ABLIM1: variants seen among roughly 807,000 people sequenced by gnomAD.
ABLIM1 encodes actin binding LIM protein 1, also known as actin-binding LIM protein 1.
A neutral mutation model predicts 107.0 loss-of-function variants in ABLIM1; 40 were observed. That is an observed-to-expected ratio of 0.37 (90% CI 0.29 to 0.49). The LOEUF (loss-of-function observed/expected upper bound fraction) is 0.49. Ranked by LOEUF, ABLIM1 falls within the 20% of genes least tolerant of loss-of-function variation. The probability of loss-of-function intolerance (pLI) is 0.97; values close to 1 mark genes in which losing one functional copy is unlikely to be tolerated. For synonymous variants in ABLIM1, 357 were observed against 357.3 expected, an observed-to-expected ratio of 1.00 and a Z score of 0.01; for missense variants, 857 against 1,008.5, an observed-to-expected ratio of 0.85 and a Z score of 2.04.
rs557349526 is a variant in ABLIM1 at position 114,451,355 on chromosome 10, C to T, written c.1594+269G>A. Among the ~76,000 whole-genome samples the T allele has an allele frequency of 6.6e-5, 10 of 152,298 alleles. No homozygotes were observed. In the East Asian group the frequency reaches 1.9e-3, roughly 29 times the overall value. On this transcript the variant is annotated intron_variant, in intron 14 of 22. Coordinates refer to ENST00000533213, the MANE Select transcript of ABLIM1 (RefSeq NM_002313.7). ...AGGATGTTTGTGAGTTGCTGTGTGA[C>T]CAGTACTTCCCCTTCTCTAGGAACA...
intron 8 of ABLIM1, among the ~76,000 whole-genome samples, chr10:114,475,968 T>C (rs764616099): frequency 2.0e-5 from 3 of 152,256 alleles, no homozygotes; most frequent in Non-Finnish European, 2.9e-5. Flanking sequence ...ACCTTGAATG[T>C]GGGCACCACT....
intron 12 of ABLIM1, among the ~76,000 whole-genome samples, chr10:114,462,348 T>C (rs2064115788): frequency 6.6e-6 from 1 of 152,206 alleles, no homozygotes; most frequent in Non-Finnish European, 1.5e-5. Context: ...GACCCCTTTG[T>C]AGCCTCTTCA....
At chr10:114,583,632 GA>G (rs1305581480) in intron 2 of ABLIM1, among the ~76,000 whole-genome samples, 32 of 151,150 alleles carry the variant, frequency 2.1e-4, no homozygotes, top group African/African-American at 7.3e-4. Flanking sequence ...TATAGCCTAA[GA>G]AAAATAAATT....
At position 114,487,990 on chromosome 10, in the gene ABLIM1, TAC is replaced by T; in HGVS notation, c.1007_1008del (p.Cys336Ter). The part of the protein sequence containing the change: ...LQGSTVWHPD[C>X]KQSTKTEEKL... ...TTTTCCTCGGTCTTCGTAGATTGCT[TAC>T]AGTCGGGATGCCAAACGGTGGAGCC... is the stretch of plus-strand genomic sequence containing the variant. On this transcript the variant is annotated frameshift_variant, in exon 8 of 23. Coordinates refer to ENST00000533213, the MANE Select transcript of ABLIM1 (RefSeq NM_002313.7). LOFTEE classifies it high-confidence loss of function. 6.2e-7 allele frequency: 1 copy of T among 1,614,172 alleles called. No homozygotes were observed. Among genetic ancestry groups the T allele is most frequent in the Non-Finnish European group, 8.5e-7 (1 of 1,180,018 alleles).
chr10:114,537,706 T>C (rs75956263), intron 6 of ABLIM1, among the ~76,000 whole-genome samples: 8,519 of 152,328 alleles, frequency 0.056, 270 homozygotes, highest in Middle Eastern at 0.092. Flanking sequence ...GGTGGCTTAC[T>C]GTCCACTGGG....
intron 2 of ABLIM1, among the ~76,000 whole-genome samples, chr10:114,590,552 C>T (rs1400534837): frequency 1.3e-5 from 2 of 152,196 alleles, no homozygotes; most frequent in East Asian, 1.9e-4. Flanking sequence ...GTACTTCTCA[C>T]TAAAGGTTCT....
chr10:114,562,535 C>A (rs1005365834), intron 4 of ABLIM1, among the ~76,000 whole-genome samples: 7 of 151,928 alleles, frequency 4.6e-5, no homozygotes, highest in Non-Finnish European at 7.4e-5. Flanking sequence ...TCTCAAAAAC[C>A]AAACAAACAA....
chr10:114,720,095 C>G (rs2081804466), intron 1 of ABLIM1, among the ~76,000 whole-genome samples: 1 of 152,126 alleles, frequency 6.6e-6, no homozygotes, highest in South Asian at 2.1e-4. Flanking sequence ...CATTTTTCAG[C>G]TCCCATTTAT....
At chr10:114,632,287 G>A (rs544630963) in intron 1 of ABLIM1, 393 of 985,416 alleles carry the variant, frequency 4.0e-4, no homozygotes, top group Non-Finnish European at 4.5e-4. Context: ...ACCGAGGACG[G>A]GCTATGAAAA....
chr10:114,787,631 G>A, the ABLIM1 span, among the ~76,000 whole-genome samples: 1 of 142,872 alleles, frequency 7.0e-6, no homozygotes, highest in African/African-American at 2.6e-5. Flanking sequence ...GGTGAGGGGT[G>A]CCTCTGCCCG....
At chr10:114,543,159 G>A (rs944177456) in intron 6 of ABLIM1, among the ~76,000 whole-genome samples, 1 of 152,104 alleles carries the variant, frequency 6.6e-6, no homozygotes, top group Non-Finnish European at 1.5e-5. Flanking sequence ...AAACATCTGA[G>A]CTGAAATGCA....
chr10:114,451,614 C>T lies in ABLIM1; in HGVS notation c.1594+10G>A, dbSNP rs373735386. ...TATTTAAAAGCTACGCGGAGGAAAG[C>T]GGGTTTTACCATGCTGTTTGTAGAT... On this transcript the variant is annotated intron_variant, in intron 14 of 22. Transcript: ENST00000533213. The T allele has an allele frequency of 1.4e-4, 228 of 1,610,778 alleles. No individual in the cohort carries two copies. Among genetic ancestry groups the T allele is most frequent in the Non-Finnish European group, 1.9e-4 (218 of 1,177,168 alleles).
In ABLIM1 at chr10:114,725,958, G is replaced by A. The variant is rs150224498; in HGVS notation, c.-213+42103C>T. 6.3e-3 allele frequency among the ~76,000 whole-genome samples: 954 copies of A among 151,944 alleles called. 2 individuals are homozygous for A. Among genetic ancestry groups the A allele is most frequent in the Non-Finnish European group, 0.01 (696 of 67,976 alleles). Reference sequence around the variant, plus strand: ...AGATGGGGTCTCGCTATTTGGCCTGGGCTGGTCTTGAACCCCTGGGCTCAA... The same window carrying A: ...AGATGGGGTCTCGCTATTTGGCCTGAGCTGGTCTTGAACCCCTGGGCTCAA... On this transcript the variant is annotated intron_variant, in intron 1 of 15. Transcript: ENST00000651092.
chr10:114,493,303 T>C (rs549428521), intron 6 of ABLIM1, among the ~76,000 whole-genome samples: 16 of 152,296 alleles, frequency 1.1e-4, no homozygotes, highest in Admixed American at 7.8e-4. Context: ...CTCTGGACTC[T>C]TAAGGAAAAT....
At chr10:114,526,866 C>T in intron 6 of ABLIM1, 3 of 985,470 alleles carry the variant, frequency 3.0e-6, no homozygotes, top group Non-Finnish European at 3.6e-6. Context: ...TCTAGAGACG[C>T]ACTCCGGAAA....
At chr10:114,474,915 C>A (rs2056059244) in intron 8 of ABLIM1, among the ~76,000 whole-genome samples, 1 of 152,140 alleles carries the variant, frequency 6.6e-6, no homozygotes. Flanking sequence ...AGTTTCCCTG[C>A]ACAAGCTCTC....
chr10:114,634,347 TG>T (rs1176258368), intron 1 of ABLIM1, among the ~76,000 whole-genome samples: 1 of 151,070 alleles, frequency 6.6e-6, no homozygotes. Flanking sequence ...TTAGCCAGGA[TG>T]GTCTCGATCT....
chr10:114,789,990 G>C, the ABLIM1 span, among the ~76,000 whole-genome samples: 1 of 152,074 alleles, frequency 6.6e-6, no homozygotes, highest in Admixed American at 6.5e-5. Context: ...ATGGCGTTTC[G>C]CCATGTTGGC....
At position 114,433,520 on chromosome 10, in the gene ABLIM1, T is replaced by C. The variant is rs2059066411; in HGVS notation, c.*2740A>G. 6.6e-6 allele frequency: 1 copy of C among 152,266 alleles called. No homozygotes were observed. Among genetic ancestry groups the C allele is most frequent in the Admixed American group, 6.5e-5 (1 of 15,282 alleles). 9.4% of individuals were successfully genotyped at this position (152,266 alleles called of 1,614,324 possible). A position where few individuals can be genotyped will look rare whatever the true frequency, so the allele number is the denominator to read the frequency against. ...GGAGGCTACTGGTGCTTTCTGGCAA[T>C]GCATTTCTGCAAGGTGCAGTTTAAA... is the stretch of plus-strand genomic sequence containing the variant. On this transcript the variant is annotated 3_prime_UTR_variant, in exon 23 of 23. Coordinates refer to ENST00000533213, the MANE Select transcript of ABLIM1 (RefSeq NM_002313.7).
Sources: allele counts gnomAD v4.1 joint callset (sites outside exome capture counted in the v4.1 genomes callset), GRCh38; gene constraint gnomAD v4.1.1; transcripts MANE v1.5; gene names NCBI Gene and HGNC (gene_info 2026-07-23, HGNC 2026-07-21).